Variants in TECTB observed in about 807,000 individuals in gnomAD.
TECTB encodes the protein tectorin beta.
A neutral mutation model predicts 43.3 loss-of-function variants in TECTB; 45 were observed. The ratio of observed to expected loss-of-function variants is 1.04; its 90% confidence interval spans 0.82 to 1.33. The LOEUF (loss-of-function observed/expected upper bound fraction) is 1.33, where lower values mean the gene tolerates loss of function less well. TECTB is among the 40% of genes most tolerant of loss of function. TECTB has a pLI of 0.00. For synonymous variants in TECTB, 169 were observed against 156.7 expected (o/e 1.08, Z -0.59); for missense variants, 399 against 404.7 (o/e 0.99, Z 0.12).
chr10:112,291,616 T>C (rs1055721425), intron 5 of TECTB, among the ~76,000 whole-genome samples: 1 of 152,234 alleles, frequency 6.6e-6, no homozygotes, highest in Non-Finnish European at 1.5e-5. Flanking sequence ...GTCTACCTAT[T>C]GCAGTTCTGC....
intron 3 of TECTB, among the ~76,000 whole-genome samples, chr10:112,285,575 C>T (rs12412743): frequency 0.18 from 27,745 of 152,158 alleles, 2,754 homozygotes; most frequent in East Asian, 0.33. Context: ...AGTGGATGTT[C>T]AAGATCCCCT....
At chr10:112,295,906 AAACT>A (rs1014454098) in intron 7 of TECTB, among the ~76,000 whole-genome samples, 5 of 152,228 alleles carry the variant, frequency 3.3e-5, no homozygotes, top group African/African-American at 9.6e-5. Flanking sequence ...GTGTACACAC[AAACT>A]GTGTAGGGTG....
rs762725283 is a variant in TECTB, at chr10:112,303,291, G to A, written c.969G>A (p.Leu323=). 6.2e-6 allele frequency: 10 copies of A among 1,614,136 alleles called. No homozygotes were observed. The highest frequency in any genetic ancestry group is 8.5e-6 in the Non-Finnish European group (10 of 1,180,006). The change falls in exon 11 of 11, where the codon TTG becomes TTA. Residue 323 remains leucine (L), a synonymous_variant. Transcript: ENST00000646139. ...SDVLHHLIMM[L]GICAVL ...TTCTCCACCACCTCATCATGATGTT[G>A]GGGATTTGTGCCGTGTTATAGGAGT...
chr10:112,299,228 A>G lies in TECTB; in HGVS notation c.835-264A>G, dbSNP rs372831345. Among the ~76,000 whole-genome samples the G allele has an allele frequency of 1.1e-3, 174 of 152,344 alleles. 6 individuals are homozygous for G. In the South Asian group the frequency reaches 0.035, roughly 31 times the overall value. On this transcript the variant is annotated intron_variant, in intron 8 of 10. Transcript: ENST00000646139. ...ATGGGATCAATCCCTTCCACACTCA[A>G]TGACCTCTTCCAGAAGGATTCCCTC... is the stretch of plus-strand genomic sequence containing the variant.
rs556758128 is a variant in TECTB at position 112,304,852 on chromosome 10, A to G, written c.*1540A>G. 1 of 150,552 alleles carries G rather than the reference A, an allele frequency of 6.6e-6. No homozygotes were observed. Among genetic ancestry groups the G allele is most frequent in the South Asian group, 2.1e-4 (1 of 4,814 alleles). 9.3% of individuals were successfully genotyped at this position (150,552 alleles called of 1,614,324 possible). ...TTCAGAGTTTTTATAGTCAGGAAAA[A>G]CAGAAGACATATTTTATTGGTTCTA... On this transcript the variant is annotated 3_prime_UTR_variant, in exon 11 of 11. Transcript: ENST00000646139.
At chr10:112,285,600 C>G (rs1171307970) in intron 3 of TECTB, among the ~76,000 whole-genome samples, 1 of 152,194 alleles carries the variant, frequency 6.6e-6, no homozygotes, top group Non-Finnish European at 1.5e-5. Context: ...CTCTAATATT[C>G]TGTGATTTTA....
At position 112,304,376 on chromosome 10, in the gene TECTB, A is replaced by G. The variant is rs1361952730; in HGVS notation, c.*1064A>G. 1 of 152,246 alleles carries G rather than the reference A, an allele frequency of 6.6e-6. No individual in the cohort carries two copies. Among genetic ancestry groups the G allele is most frequent in the Non-Finnish European group, 1.5e-5 (1 of 68,044 alleles). 9.4% of individuals were successfully genotyped at this position (152,246 alleles called of 1,614,324 possible). On this transcript the variant is annotated 3_prime_UTR_variant, in exon 11 of 11. Coordinates refer to ENST00000646139, the MANE Select transcript of TECTB (RefSeq NM_058222.3). ...ACACAAAATCAGAAACACAAATGCA[A>G]ATGCAGCCAATGAAAGCATGCAGTA... is the stretch of plus-strand genomic sequence containing the variant.
rs529721326 is a variant in TECTB at position 112,303,542 on chromosome 10, T to C, written c.*230T>C. On this transcript the variant is annotated 3_prime_UTR_variant, in exon 11 of 11. Transcript: ENST00000646139. The stretch of plus-strand genomic sequence containing the variant: ...TGGCCCTTAGATCTCACAGTCCTTC[T>C]ACAGCTGGGGGAGGAGCCTCCTTTC... 9.5e-5 allele frequency: 53 copies of C among 555,900 alleles called. No homozygotes were observed. The highest frequency in any genetic ancestry group is 9.2e-4 in the African/African-American group (49 of 53,486). 34.4% of individuals were successfully genotyped at this position (555,900 alleles called of 1,614,324 possible). A position where few individuals can be genotyped will look rare whatever the true frequency, so the allele number is the denominator to read the frequency against.
At chr10:112,288,662 A>T (rs1048434455) in intron 5 of TECTB, among the ~76,000 whole-genome samples, 2 of 152,172 alleles carry the variant, frequency 1.3e-5, no homozygotes, top group African/African-American at 4.8e-5. Flanking sequence ...TGCTCCCTGC[A>T]TATATTTCCA....
rs375870344 is a variant in TECTB at position 112,302,084 on chromosome 10, C to T, written c.908-17C>T. The T allele has an allele frequency of 1.2e-6, 2 of 1,613,752 alleles. No homozygotes were observed. Among genetic ancestry groups the T allele is most frequent in the South Asian group, 2.2e-5 (2 of 91,002 alleles). On this transcript the variant is annotated splice_polypyrimidine_tract_variant and intron_variant, in intron 9 of 10. Transcript: ENST00000646139. ...TCTTTTCTTAAACTTTCTGCATTCTCTCTTTACTCACTACAGGCAGGGGAT... is the reference window on the plus strand; with the variant it reads ...TCTTTTCTTAAACTTTCTGCATTCTTTCTTTACTCACTACAGGCAGGGGAT...
At chr10:112,298,927 T>C (rs1848572495) in intron 8 of TECTB, among the ~76,000 whole-genome samples, 1 of 152,174 alleles carries the variant, frequency 6.6e-6, no homozygotes, top group South Asian at 2.1e-4. Context: ...ACATAGCCTA[T>C]AGTAACCAAC....
intron 8 of TECTB, among the ~76,000 whole-genome samples, chr10:112,298,814 G>T (rs139370340): frequency 8.4e-4 from 128 of 152,300 alleles, no homozygotes; most frequent in African/African-American, 2.9e-3. Flanking sequence ...ACTCAAGCCT[G>T]AGAACCACCA....
Position 112,286,391 on chromosome 10 carries a change from T to G in TECTB, c.483T>G (p.Thr161=), listed in dbSNP as rs771076522. The part of the protein sequence containing the change: ...FESQLSLNFY[T]NAKFSIKKEA... ...GCCAACTGTCTCTCAACTTCTACAC[T>G]GTAAGTGGTCTCCAGGTTCCCATTA... Residue 161 remains threonine, a splice_region_variant and synonymous_variant, in exon 5 of 11, where the codon ACT becomes ACG. Coordinates refer to ENST00000646139, the MANE Select transcript of TECTB (RefSeq NM_058222.3). 3 of 1,603,776 alleles carry G rather than the reference T, an allele frequency of 1.9e-6. No individual in the cohort carries two copies. In the East Asian group the frequency reaches 6.7e-5, roughly 36 times the overall value.
Position 112,298,066 on chromosome 10 carries a change from C to A in TECTB, c.672-3C>A, listed in dbSNP as rs761327059. 6.2e-7 allele frequency: 1 copy of A among 1,614,184 alleles called. No homozygotes were observed. Among genetic ancestry groups the A allele is most frequent in the South Asian group, 1.1e-5 (1 of 91,088 alleles). ...TTCACTCTTCTTTCCCCATCTGCCT[C>A]AGCTGCCCCACGGATGAAACCGTCC... On this transcript the variant is annotated splice_region_variant and splice_polypyrimidine_tract_variant and intron_variant, in intron 7 of 10. Transcript: ENST00000646139.
At position 112,299,582 on chromosome 10, in the gene TECTB, CCT is replaced by C. The variant is rs760999874; in HGVS notation, c.907+21_907+22del. On this transcript the variant is annotated intron_variant, in intron 9 of 10. Transcript: ENST00000646139. ...CCTGCGGAGTAAGCGTCTCTGTTTT[CCT>C]CTGTTTTCCAAACGGTTGAGTTCAC... 3 of 270,020 alleles carry C rather than the reference CCT, an allele frequency of 1.1e-5. No individual in the cohort carries two copies. Among genetic ancestry groups the C allele is most frequent in the Non-Finnish European group, 1.5e-5 (3 of 199,062 alleles). The allele number at this position is 270,020 out of a possible 1,614,324, so 16.7% of individuals were successfully genotyped here. A position where few individuals can be genotyped will look rare whatever the true frequency, so the allele number is the denominator to read the frequency against.
At position 112,284,588 on chromosome 10, in the gene TECTB, T is replaced by A. The variant is rs1214609227; in HGVS notation, c.130T>A (p.Cys44Ser). 2.5e-6 allele frequency: 4 copies of A among 1,612,902 alleles called. No homozygotes were observed. In the Admixed American group the frequency reaches 6.7e-5, roughly 27 times the overall value. ...PKTIITKIPE[C>S]PYGWEVHQLA... Reference sequence around the variant, plus strand: ...AACCATCATCACCAAAATCCCCGAGTGTCCCTATGGATGGGAAGTTCATCA... The same window carrying A: ...AACCATCATCACCAAAATCCCCGAGAGTCCCTATGGATGGGAAGTTCATCA... Residue 44 changes from cysteine to serine, a missense_variant, in exon 3 of 11, where the codon TGT becomes AGT. Physicochemically the swap from Cys to Ser is moderately radical, Grantham distance 112 (BLOSUM62 -1). Transcript: ENST00000646139.
intron 5 of TECTB, among the ~76,000 whole-genome samples, chr10:112,287,566 G>T (rs1349987754): frequency 1.3e-5 from 2 of 152,204 alleles, no homozygotes; most frequent in African/African-American, 4.8e-5. Flanking sequence ...CATTAACTTT[G>T]AACTCTTTAA....
In TECTB at chr10:112,294,518, C is replaced by T. The variant is rs549639700; in HGVS notation, c.671+457C>T. Among the ~76,000 whole-genome samples the T allele has an allele frequency of 2.0e-5, 3 of 152,228 alleles. No homozygotes were observed. The South Asian group carries it at 6.2e-4, about 32-fold the overall frequency. On this transcript the variant is annotated intron_variant, in intron 7 of 10. Coordinates refer to ENST00000646139, the MANE Select transcript of TECTB (RefSeq NM_058222.3). Reference sequence around the variant, plus strand: ...TAAATAATCGATATCAAAAGCTTAGCAGATGGTACTTGCTAGATAGTCCAA... The same window carrying T: ...TAAATAATCGATATCAAAAGCTTAGTAGATGGTACTTGCTAGATAGTCCAA...
At chr10:112,301,548 T>C (rs1457208175) in intron 9 of TECTB, among the ~76,000 whole-genome samples, 4 of 152,154 alleles carry the variant, frequency 2.6e-5, no homozygotes, top group Non-Finnish European at 5.9e-5. Context: ...GTAGCAGAGA[T>C]GGGATGGCCT....
Sources: allele counts gnomAD v4.1 joint callset (sites outside exome capture counted in the v4.1 genomes callset), GRCh38; gene constraint gnomAD v4.1.1; transcripts MANE v1.5; gene names NCBI Gene and HGNC (gene_info 2026-07-23, HGNC 2026-07-21).